The following OCLN variants were observed in gnomAD, a reference collection of about 807,000 sequenced individuals.
The protein encoded by OCLN is occludin, also known as phosphatase 1, regulatory subunit 115.
A neutral mutation model predicts 47.9 loss-of-function variants in OCLN; 21 were observed. The ratio of observed to expected loss-of-function variants is 0.44; its 90% CI spans 0.31 to 0.63. OCLN has a LOEUF of 0.63. OCLN is among the 30% of genes least tolerant of loss of function. The pLI is 0.08. For missense variants in OCLN, 360 were observed against 571.0 expected, an observed-to-expected ratio of 0.63 and a Z score of 3.77; for synonymous variants, 117 against 198.4, an observed-to-expected ratio of 0.59 and a Z score of 3.45.
At chr5:69,547,496 G>A (rs1392350073) in intron 6 of OCLN, among the ~76,000 whole-genome samples, 5 of 125,578 alleles carry the variant, frequency 4.0e-5, no homozygotes, top group East Asian at 2.1e-4. Context: ...GCTTGAACCC[G>A]GGAGGTGGAG....
intron 4 of OCLN, among the ~76,000 whole-genome samples, chr5:69,524,594 T>C (rs1769227231): frequency 6.6e-6 from 1 of 152,246 alleles, no homozygotes; most frequent in South Asian, 2.1e-4. Flanking sequence ...TCTGGTCCTC[T>C]ATTTTATCAC....
chr5:69,499,671 T>G (rs28493963), intron 1 of OCLN, among the ~76,000 whole-genome samples: 30,892 of 151,682 alleles, frequency 0.2, 4,485 homozygotes, highest in African/African-American at 0.41. Flanking sequence ...TGCAACCTCC[T>G]CCTCCTGGAT....
At chr5:69,533,050 CATATATACAT>C (rs1348629162) in intron 4 of OCLN, among the ~76,000 whole-genome samples, 1 of 143,140 alleles carries the variant, frequency 7.0e-6, no homozygotes, top group Non-Finnish European at 1.5e-5. Context: ...TATATATACA[CATATATACAT>C]ATATATATAC....
chr5:69,510,030 T>C (rs531620026), intron 3 of OCLN, among the ~76,000 whole-genome samples: 1 of 152,346 alleles, frequency 6.6e-6, no homozygotes, highest in South Asian at 2.1e-4. Flanking sequence ...TGGTTTTTAA[T>C]ATATTCACAG....
intron 5 of OCLN, among the ~76,000 whole-genome samples, chr5:69,538,222 A>G (rs1769643709): frequency 1.3e-5 from 2 of 148,636 alleles, no homozygotes; most frequent in South Asian, 4.3e-4. Context: ...AAAAAGCCCA[A>G]AAAATTTCCT....
At chr5:69,532,436 C>T (rs1235708482) in intron 4 of OCLN, among the ~76,000 whole-genome samples, 2 of 152,198 alleles carry the variant, frequency 1.3e-5, no homozygotes, top group African/African-American at 4.8e-5. Flanking sequence ...AGCGGTTCTA[C>T]CCTTTTGAAT....
intron 4 of OCLN, among the ~76,000 whole-genome samples, chr5:69,518,436 A>G (rs1409613155): frequency 6.6e-6 from 1 of 152,168 alleles, no homozygotes; most frequent in Non-Finnish European, 1.5e-5. Flanking sequence ...CAGAAAGCCT[A>G]TTTAAAATAA....
At chr5:69,507,966 A>T (rs1483645029) in intron 2 of OCLN, among the ~76,000 whole-genome samples, 1 of 152,224 alleles carries the variant, frequency 6.6e-6, no homozygotes, top group Non-Finnish European at 1.5e-5. Flanking sequence ...ACATTACTTC[A>T]TCACGTGATT....
intron 4 of OCLN, among the ~76,000 whole-genome samples, chr5:69,514,910 TC>T (rs1245512749): frequency 1.3e-5 from 2 of 152,202 alleles, no homozygotes; most frequent in Non-Finnish European, 2.9e-5. Flanking sequence ...ATGAAAAGTC[TC>T]CCGTGTCTAC....
chr5:69,515,717 G>A (rs1287463874), intron 4 of OCLN, among the ~76,000 whole-genome samples: 4 of 146,726 alleles, frequency 2.7e-5, no homozygotes, highest in African/African-American at 1.0e-4. Context: ...GCTGCCGGGC[G>A]GAGGGGCTCC....
At chr5:69,516,723 T>C (rs1768982473) in intron 4 of OCLN, among the ~76,000 whole-genome samples, 2 of 152,118 alleles carry the variant, frequency 1.3e-5, no homozygotes, top group African/African-American at 4.8e-5. Context: ...AGTTCCTCTT[T>C]AAAGATGCCT....
In OCLN at chr5:69,493,506, C is replaced by G. The variant is rs951414365; in HGVS notation, c.-69+606C>G. 6.6e-6 allele frequency among the ~76,000 whole-genome samples: 1 copy of G among 152,094 alleles called. No homozygotes were observed. Among genetic ancestry groups the G allele is most frequent in the Admixed American group, 6.5e-5 (1 of 15,280 alleles). Reference sequence around the variant, plus strand: ...CTGGCTACTTCGAATCCACTTGTTGCGAGTTGTGTGAACCCGCGTCGATTT... The same window carrying G: ...CTGGCTACTTCGAATCCACTTGTTGGGAGTTGTGTGAACCCGCGTCGATTT... On this transcript the variant is annotated intron_variant, in intron 1 of 8. Coordinates refer to ENST00000396442, the MANE Select transcript of OCLN (RefSeq NM_001205254.2). The surrounding 1 kb of genome is among the most constrained non-coding windows in gnomAD (Gnocchi z 5.3).
rs562266147 is a variant in OCLN at position 69,493,266 on chromosome 5, G to C, written c.-69+366G>C. Among the ~76,000 whole-genome samples, 15 of 152,252 alleles carry C rather than the reference G, an allele frequency of 9.9e-5. No individual in the cohort carries two copies. Among genetic ancestry groups the C allele is most frequent in the African/African-American group, 2.6e-4 (11 of 41,556 alleles). ...GCATCCGCTCTGGGGCTGCAGTTTG[G>C]GGGGGCGGCCTTCATGGAGAGGGAT... On this transcript the variant is annotated intron_variant, in intron 1 of 8. Transcript: ENST00000396442. This position sits in a 1 kb window ranked among gnomAD's most constrained non-coding sequence, Gnocchi z 5.3.
At chr5:69,548,811 T>C (rs1478416688) in intron 7 of OCLN, among the ~76,000 whole-genome samples, 1 of 149,778 alleles carries the variant, frequency 6.7e-6, no homozygotes. Flanking sequence ...ATACAAAAAA[T>C]AGCAGGGCAT....
intron 4 of OCLN, among the ~76,000 whole-genome samples, chr5:69,529,652 G>A (rs1769376488): frequency 6.6e-6 from 1 of 152,042 alleles, no homozygotes; most frequent in African/African-American, 2.4e-5. Context: ...CACCCAGGCT[G>A]GAGTACAGTG....
chr5:69,507,762 C>T (rs984159390), intron 2 of OCLN, among the ~76,000 whole-genome samples: 27 of 151,886 alleles, frequency 1.8e-4, no homozygotes, highest in East Asian at 7.9e-4. Context: ...CACACCACCA[C>T]GCCCAACTAG....
intron 3 of OCLN, among the ~76,000 whole-genome samples, chr5:69,513,571 A>G (rs757764185): frequency 6.6e-6 from 1 of 152,190 alleles, no homozygotes; most frequent in Non-Finnish European, 1.5e-5. Flanking sequence ...TTAGAAGTAT[A>G]CCAATGATTG....
At chr5:69,511,324 C>G (rs970614610) in intron 3 of OCLN, among the ~76,000 whole-genome samples, 1 of 151,462 alleles carries the variant, frequency 6.6e-6, no homozygotes, top group Non-Finnish European at 1.5e-5. Flanking sequence ...ACCTCGTGAT[C>G]CGCCCGCCTC....
rs1264913181 is a variant in OCLN, at chr5:69,554,645, G to C, written c.*974G>C. ...ACACTCAGGAGTTGTATCTGTTGTT[G>C]TTTATACTCCTTTGGATGCTGTGCT... On this transcript the variant is annotated 3_prime_UTR_variant, in exon 9 of 9. Transcript: ENST00000396442. 4 of 151,872 alleles carry C rather than the reference G, an allele frequency of 2.6e-5. No homozygotes were observed. Among genetic ancestry groups the C allele is most frequent in the African/African-American group, 9.7e-5 (4 of 41,346 alleles). The allele number at this position is 151,872 out of a possible 1,614,324, so 9.4% of individuals were successfully genotyped here. A position where few individuals can be genotyped will look rare whatever the true frequency, so the allele number is the denominator to read the frequency against.
Sources: gnomAD v4.1 joint callset for allele counts (sites outside exome capture counted in the v4.1 genomes callset) on GRCh38, gnomAD v4.1.1 for gene constraint, Gnocchi (gnomAD v3.1) non-coding constraint, MANE v1.5 for transcripts, NCBI Gene and HGNC (gene_info 2026-07-23, HGNC 2026-07-21) for gene names.